Variants in TBC1D5 observed in about 807,000 individuals in gnomAD.
TBC1D5 encodes TBC1 domain family, member 5.
TBC1D5 carries 75 observed loss-of-function variants against 100.3 expected under a neutral mutation model. The ratio of observed to expected loss-of-function variants is 0.75; its 90% CI spans 0.62 to 0.91. The LOEUF (loss-of-function observed/expected upper bound fraction) is 0.91, where lower values mean the gene tolerates loss of function less well. TBC1D5 is among the 40% of genes least tolerant of loss of function. The pLI is 0.00. For synonymous variants in TBC1D5, 323 were observed against 325.6 expected, an observed-to-expected ratio of 0.99 and a Z score of 0.09; for missense variants, 910 against 942.4, an observed-to-expected ratio of 0.97 and a Z score of 0.45.
chr3:17,661,130 T>A (rs1440560294), intron 1 of TBC1D5, among the ~76,000 whole-genome samples: 1 of 152,184 alleles, frequency 6.6e-6, no homozygotes, highest in Non-Finnish European at 1.5e-5. Context: ...GGTTAATTTG[T>A]ACAAATTTTG....
chr3:17,307,988 T>G lies in TBC1D5; in HGVS notation c.1138+4A>C, dbSNP rs570657628. 3 of 1,601,256 alleles carry G rather than the reference T, an allele frequency of 1.9e-6. No homozygotes were observed. The East Asian group carries it at 6.8e-5, about 36-fold the overall frequency. On this transcript the variant is annotated splice_donor_region_variant and intron_variant, in intron 14 of 21. Coordinates refer to ENST00000253692, the Ensembl canonical transcript of TBC1D5. Reference sequence around the variant, plus strand: ...CAAATGTAGGAAAGGTCATTAATACTTACAAGCATCTCGGATGTAAAGTAA... The same window carrying G: ...CAAATGTAGGAAAGGTCATTAATACGTACAAGCATCTCGGATGTAAAGTAA...
chr3:17,230,782 T>G (rs1207526299), intron 17 of TBC1D5, among the ~76,000 whole-genome samples: 1 of 152,126 alleles, frequency 6.6e-6, no homozygotes, highest in African/African-American at 2.4e-5. Context: ...AATCTAGTCA[T>G]CTCTCAGTAT....
chr3:17,596,358 G>A (rs1370355936), intron 2 of TBC1D5, among the ~76,000 whole-genome samples: 24 of 132,622 alleles, frequency 1.8e-4, no homozygotes, highest in Admixed American at 1.7e-3. Flanking sequence ...TCTCGCAGTC[G>A]CCCAGGCTGG....
At chr3:17,182,937 T>G (rs1396237541) in intron 19 of TBC1D5, among the ~76,000 whole-genome samples, 1 of 152,166 alleles carries the variant, frequency 6.6e-6, no homozygotes, top group Non-Finnish European at 1.5e-5. Context: ...ATTTCCTACC[T>G]AGCTCTTTAA....
chr3:17,641,505 AAT>A (rs2064500777), intron 1 of TBC1D5, among the ~76,000 whole-genome samples: 1 of 152,142 alleles, frequency 6.6e-6, no homozygotes, highest in South Asian at 2.1e-4. Flanking sequence ...AGGATTAAAT[AAT>A]ATGATTAATA....
rs2096078537 is a variant in TBC1D5 at position 17,522,922 on chromosome 3, A to C, written c.-35-14317T>G. Among the ~76,000 whole-genome samples the C allele has an allele frequency of 2.0e-5, 3 of 152,200 alleles. No individual in the cohort carries two copies. The South Asian group carries it at 6.2e-4, about 32-fold the overall frequency. On this transcript the variant is annotated intron_variant, in intron 2 of 21. Transcript: ENST00000253692. ...AGTAAACAATCGAAAGTAAATGACAAAACTTCATACCATGCTTTGTCATCT... is the reference window on the plus strand; with the variant it reads ...AGTAAACAATCGAAAGTAAATGACACAACTTCATACCATGCTTTGTCATCT...
chr3:17,330,269 G>A (rs1023772953), intron 13 of TBC1D5, among the ~76,000 whole-genome samples: 1 of 152,078 alleles, frequency 6.6e-6, no homozygotes, highest in African/African-American at 2.4e-5. Flanking sequence ...ACATCTATGA[G>A]GCGAAACTCC....
At chr3:17,185,268 A>G (rs959457018) in intron 18 of TBC1D5, 60 bp from the exon 20 acceptor site, 19 of 1,447,244 alleles carry the variant, frequency 1.3e-5, no homozygotes, top group Non-Finnish European at 1.8e-5. Context: ...AAATCTCCAA[A>G]GTTTTCTAAA....
intron 15 of TBC1D5, among the ~76,000 whole-genome samples, chr3:17,277,157 T>C (rs954992391): frequency 9.2e-5 from 14 of 152,196 alleles, no homozygotes; most frequent in Non-Finnish European, 7.4e-5. Context: ...ATAGTAGACA[T>C]ACATATTTTA....
intron 3 of TBC1D5, among the ~76,000 whole-genome samples, chr3:17,451,900 G>A (rs2094937009): frequency 6.6e-6 from 1 of 151,918 alleles, no homozygotes; most frequent in African/African-American, 2.4e-5. Context: ...TCCAGCCTGG[G>A]CAACAAAGCG....
At chr3:17,310,246 C>A (rs2083869005) in intron 13 of TBC1D5, among the ~76,000 whole-genome samples, 1 of 151,932 alleles carries the variant, frequency 6.6e-6, no homozygotes, top group South Asian at 2.1e-4. Context: ...GGAAGGTTAA[C>A]TGCAAACATC....
At chr3:17,432,039 C>T (rs906021361) in intron 3 of TBC1D5, among the ~76,000 whole-genome samples, 5 of 152,070 alleles carry the variant, frequency 3.3e-5, no homozygotes, top group East Asian at 1.9e-4. Flanking sequence ...TAAATAATCA[C>T]GCCTACTCAA....
chr3:17,242,244 T>C (rs1450448082), intron 16 of TBC1D5, among the ~76,000 whole-genome samples: 2 of 152,196 alleles, frequency 1.3e-5, no homozygotes, highest in East Asian at 3.8e-4. Flanking sequence ...TATCACATTA[T>C]CACCTCTATA....
chr3:17,616,608 C>T (rs954607981), intron 2 of TBC1D5, among the ~76,000 whole-genome samples: 8 of 152,096 alleles, frequency 5.3e-5, no homozygotes, highest in East Asian at 1.9e-4. Context: ...ATAGTTAGCT[C>T]TTCTTGTTGA....
intron 1 of TBC1D5, among the ~76,000 whole-genome samples, chr3:17,697,571 G>T (rs974356826): frequency 6.6e-6 from 1 of 152,120 alleles, no homozygotes; most frequent in African/African-American, 2.4e-5. Flanking sequence ...CTTCTTCAAG[G>T]AGAACTACAA....
chr3:17,542,203 A>T lies in TBC1D5; in HGVS notation c.-35-33598T>A, dbSNP rs575089413. Among the ~76,000 whole-genome samples the T allele has an allele frequency of 5.9e-5, 9 of 152,272 alleles. No individual in the cohort carries two copies. The South Asian group carries it at 1.9e-3, about 32-fold the overall frequency. On this transcript the variant is annotated intron_variant, in intron 2 of 21. Transcript: ENST00000253692. ...TACTTGGGAAGCTCAGGCAGGGAGG[A>T]TCACTTGAGCCTGGGAGGCAGAGGT...
intron 13 of TBC1D5, among the ~76,000 whole-genome samples, chr3:17,314,687 C>T (rs755368446): frequency 2.6e-5 from 4 of 152,220 alleles, no homozygotes; most frequent in African/African-American, 7.2e-5. Flanking sequence ...TCCAGGTGAT[C>T]TGCATGTACA....
chr3:17,294,722 C>T (rs2082081855), intron 14 of TBC1D5, among the ~76,000 whole-genome samples: 1 of 152,208 alleles, frequency 6.6e-6, no homozygotes, highest in Non-Finnish European at 1.5e-5. Context: ...TAGGCACCTG[C>T]ACTAGGAATA....
chr3:17,352,683 C>CAAAAAAAAAAAAAAAAAAAAAAAAAAAAA (rs1363926293), intron 13 of TBC1D5, among the ~76,000 whole-genome samples: 1 of 94,904 alleles, frequency 1.1e-5, no homozygotes, highest in African/African-American at 4.0e-5. Flanking sequence ...AAGCAAAAGG[C>CAAAAAAAAAAAAAAAAAAAAAAAAAAAAA]AAAAAAAAAA....
Sources: gnomAD v4.1 joint callset for allele counts (sites outside exome capture counted in the v4.1 genomes callset) on GRCh38, gnomAD v4.1.1 for gene constraint, MANE v1.5 for transcripts, NCBI Gene and HGNC (gene_info 2026-07-23, HGNC 2026-07-21) for gene names.